Variants in CD274 observed in about 807,000 individuals in gnomAD.
CD274 encodes the protein CD274 molecule, also known as programmed cell death 1 ligand 1.
CD274 carries 8 observed loss-of-function variants against 30.1 expected under a neutral mutation model. That is an observed-to-expected ratio of 0.27 (90% confidence interval 0.16 to 0.48). The LOEUF is 0.48. Among genes scored for constraint, CD274 ranks in the 20% least tolerant of loss-of-function variants. CD274 has a pLI of 0.99. For missense variants in CD274, 353 were observed against 346.6 expected, an observed-to-expected ratio of 1.02 and a Z score of -0.15; for synonymous variants, 152 against 124.6, an observed-to-expected ratio of 1.22 and a Z score of -1.46.
intron 1 of CD274, among the ~76,000 whole-genome samples, chr9:5,453,959 T>G (rs1348921138): frequency 1.3e-5 from 2 of 152,214 alleles, no homozygotes; most frequent in African/African-American, 4.8e-5. Context: ...GCTCCCTGGG[T>G]GAGAGTGATG....
In CD274 at chr9:5,469,916, C is replaced by G. The variant is rs1819562359; in HGVS notation, c.*2054C>G. 4.3e-6 allele frequency: 1 copy of G among 233,052 alleles called. No individual in the cohort carries two copies. Among genetic ancestry groups the G allele is most frequent in the Non-Finnish European group, 8.5e-6 (1 of 117,968 alleles). The allele number at this position is 233,052 out of a possible 1,614,324, so 14.4% of individuals were successfully genotyped here. A position where few individuals can be genotyped will look rare whatever the true frequency, so the allele number is the denominator to read the frequency against. On this transcript the variant is annotated 3_prime_UTR_variant, in exon 7 of 7. Coordinates refer to ENST00000381577, the MANE Select transcript of CD274 (RefSeq NM_014143.4). Reference sequence around the variant, plus strand: ...GTATAAACTTCACTTTGATGCTGTACTTGCAAAATCACATTTTCTTTCTGG... The same window carrying G: ...GTATAAACTTCACTTTGATGCTGTAGTTGCAAAATCACATTTTCTTTCTGG...
At position 5,469,121 on chromosome 9, in the gene CD274, T is replaced by A. The variant is rs1391601582; in HGVS notation, c.*1259T>A. The A allele has an allele frequency of 4.3e-6, 1 of 233,004 alleles. No individual in the cohort carries two copies. The highest frequency in any genetic ancestry group is 8.5e-6 in the Non-Finnish European group (1 of 117,952). The allele number at this position is 233,004 out of a possible 1,614,324, so 14.4% of individuals were successfully genotyped here. ...TGGATATACTTAAACATCTTAATAA[T>A]CAGAGTAATTTTCATTTACAAAGAG... On this transcript the variant is annotated 3_prime_UTR_variant, in exon 7 of 7. Coordinates refer to ENST00000381577, the MANE Select transcript of CD274 (RefSeq NM_014143.4).
At chr9:5,463,913 G>A (rs1042724191) in intron 4 of CD274, among the ~76,000 whole-genome samples, 5 of 146,158 alleles carry the variant, frequency 3.4e-5, no homozygotes, top group African/African-American at 1.2e-4. Context: ...CTGATGAGAG[G>A]CTCAGAATGT....
chr9:5,454,545 C>T (rs753853638), intron 1 of CD274, among the ~76,000 whole-genome samples: 1 of 151,844 alleles, frequency 6.6e-6, no homozygotes, highest in East Asian at 1.9e-4. Context: ...TGTGAATATA[C>T]CAAAATTTGT....
intron 3 of CD274, 133 bp from the exon 4 acceptor site, chr9:5,462,701 G>C (rs1002922331): frequency 6.7e-6 from 5 of 744,772 alleles, no homozygotes; most frequent in Admixed American, 5.4e-5. Context: ...CCACGGCTGA[G>C]GCATCTGAAC....
intron 5 of CD274, 34 bp from the exon 6 acceptor site, chr9:5,466,736 T>A (rs773000876): frequency 6.6e-7 from 1 of 1,516,798 alleles, no homozygotes; most frequent in South Asian, 1.1e-5. Flanking sequence ...AGAGCTGTGC[T>A]ATATGGAAAT....
intron 3 of CD274, among the ~76,000 whole-genome samples, chr9:5,458,293 A>G (rs1819343242): frequency 6.6e-6 from 1 of 152,200 alleles, no homozygotes; most frequent in South Asian, 2.1e-4. Context: ...CACAAAGAAC[A>G]AAAATCCCCC....
At chr9:5,462,470 T>C (rs991147060) in intron 3 of CD274, among the ~76,000 whole-genome samples, 2 of 152,246 alleles carry the variant, frequency 1.3e-5, no homozygotes, top group African/African-American at 4.8e-5. Context: ...TAATTCTCTT[T>C]AAATTATTTT....
chr9:5,454,491 TA>T (rs1369167069), intron 1 of CD274, among the ~76,000 whole-genome samples: 1 of 152,190 alleles, frequency 6.6e-6, no homozygotes, highest in African/African-American at 2.4e-5. Flanking sequence ...ACAAAATCAG[TA>T]CATGTACATA....
intron 2 of CD274, 82 bp downstream of exon 2, chr9:5,456,247 T>C (rs1367883212): frequency 1.2e-6 from 1 of 869,128 alleles, no homozygotes; most frequent in Admixed American, 2.1e-5. Flanking sequence ...TCATTTAAAA[T>C]GCATGCAATT....
intron 4 of CD274, among the ~76,000 whole-genome samples, chr9:5,464,317 A>AT (rs1013605841): frequency 4.0e-5 from 6 of 151,756 alleles, no homozygotes; most frequent in South Asian, 2.1e-4. Context: ...TAAATTGGGG[A>AT]TTTTTTTTTA....
rs1819551908 is a variant in CD274, at chr9:5,469,491, T to A, written c.*1629T>A. 4.3e-6 allele frequency: 1 copy of A among 230,984 alleles called. No homozygotes were observed. Among genetic ancestry groups the A allele is most frequent in the Non-Finnish European group, 8.6e-6 (1 of 116,770 alleles). 14.3% of individuals were successfully genotyped at this position (230,984 alleles called of 1,614,324 possible). A position where few individuals can be genotyped will look rare whatever the true frequency, so the allele number is the denominator to read the frequency against. ...AATGTATGTTAAAAGCACGTATTTT[T>A]AAAATTTTTTTCCTAAATAGTAACA... On this transcript the variant is annotated 3_prime_UTR_variant, in exon 7 of 7. Coordinates refer to ENST00000381577, the MANE Select transcript of CD274 (RefSeq NM_014143.4).
rs41280723 is a variant in CD274, at chr9:5,468,647, T to C, written c.*785T>C. 3,203 of 232,990 alleles carry C rather than the reference T, an allele frequency of 0.014. 26 individuals carry two copies. Among genetic ancestry groups the C allele is most frequent in the Middle Eastern group, 0.039 (31 of 786 alleles). The allele number at this position is 232,990 out of a possible 1,614,324, so 14.4% of individuals were successfully genotyped here. The stretch of plus-strand genomic sequence containing the variant: ...ATCTGTTCCATTTAAATATCAGCTT[T>C]ACAATTATGTGGTAGCCTACACACA... On this transcript the variant is annotated 3_prime_UTR_variant, in exon 7 of 7. Transcript: ENST00000381577.
At position 5,470,164 on chromosome 9, in the gene CD274, T is replaced by A. The variant is rs1266141505; in HGVS notation, c.*2302T>A. On this transcript the variant is annotated 3_prime_UTR_variant, in exon 7 of 7. Transcript: ENST00000381577. ...CAAGGAGTACCTTGGCTTTGCCACA[T>A]GTCAAGGCTGAAGAAACAGTGTCTC... is the stretch of plus-strand genomic sequence containing the variant. 3 of 232,942 alleles carry A rather than the reference T, an allele frequency of 1.3e-5. No individual in the cohort carries two copies. The highest frequency in any genetic ancestry group is 6.0e-5 in the East Asian group (1 of 16,576). 14.4% of individuals were successfully genotyped at this position (232,942 alleles called of 1,614,324 possible).
At chr9:5,461,446 G>C (rs1819402927) in intron 3 of CD274, among the ~76,000 whole-genome samples, 1 of 152,100 alleles carries the variant, frequency 6.6e-6, no homozygotes, top group Non-Finnish European at 1.5e-5. Flanking sequence ...TTGATTTCCA[G>C]TGTTTCCACT....
In CD274 at chr9:5,463,074, G is replaced by A. The variant is rs2131224389; in HGVS notation, c.635G>A (p.Arg212Lys). ...TTNEIFYCTFRRLDPEENHTA... is the reference protein window; with the variant it reads ...TTNEIFYCTFKRLDPEENHTA... ...AATGAGATTTTCTACTGCACTTTTAGGAGATTAGATCCTGAGGAAAACCAT... is the reference window on the plus strand; with the variant it reads ...AATGAGATTTTCTACTGCACTTTTAAGAGATTAGATCCTGAGGAAAACCAT... The change falls in exon 4 of 7, where the codon AGG (arginine) becomes AAG (lysine). Residue 212 changes from arginine to lysine, a missense_variant. Coordinates refer to ENST00000381577, the MANE Select transcript of CD274 (RefSeq NM_014143.4). 6.2e-7 allele frequency: 1 copy of A among 1,613,962 alleles called. No homozygotes were observed. The highest frequency in any genetic ancestry group is 2.2e-5 in the East Asian group (1 of 44,876).
chr9:5,456,699 T>G (rs1382919428), intron 2 of CD274, among the ~76,000 whole-genome samples: 1 of 152,238 alleles, frequency 6.6e-6, no homozygotes, highest in Non-Finnish European at 1.5e-5. Context: ...ACTGTTAGAA[T>G]CTACCATTCC....
chr9:5,461,893 A>G (rs923194008), intron 3 of CD274, among the ~76,000 whole-genome samples: 8 of 152,176 alleles, frequency 5.3e-5, no homozygotes, highest in African/African-American at 1.9e-4. Flanking sequence ...TGTAAATATC[A>G]TAATGTGGTA....
intron 2 of CD274, 118 bp downstream of exon 2, chr9:5,456,283 T>C: frequency 1.5e-6 from 1 of 647,786 alleles, no homozygotes; most frequent in South Asian, 2.0e-5. Context: ...CATTCTATTC[T>C]TTCTTCTACT....
Sources: allele counts gnomAD v4.1 joint callset (sites outside exome capture counted in the v4.1 genomes callset), GRCh38; gene constraint gnomAD v4.1.1; transcripts MANE v1.5; gene names NCBI Gene and HGNC (gene_info 2026-07-23, HGNC 2026-07-21).